The following ITGB5 variants were observed in gnomAD, a reference collection of about 807,000 sequenced individuals.
ITGB5 encodes the protein integrin beta-5.
ITGB5 carries 38 observed loss-of-function variants against 84.8 expected under a neutral mutation model. That is an observed-to-expected ratio of 0.45 (90% confidence interval 0.35 to 0.59). ITGB5 has a LOEUF of 0.59. Among genes scored for constraint, ITGB5 ranks in the 20% least tolerant of loss-of-function variants. The pLI is 0.01. For missense variants in ITGB5, 905 were observed against 1,034.5 expected, an observed-to-expected ratio of 0.87 and a Z score of 1.72; for synonymous variants, 393 against 414.4, an observed-to-expected ratio of 0.95 and a Z score of 0.63.
In ITGB5 at chr3:124,851,515, G is replaced by A. The variant is rs1038562081; in HGVS notation, c.362-2957C>T. ...ATGAGGGCTGAGGGAAAGAAGGCAT[G>A]ATATATAGGTCCCTTTGTATCCTAA... On this transcript the variant is annotated intron_variant, in intron 3 of 14. Transcript: ENST00000296181. Among the ~76,000 whole-genome samples, 3 of 152,062 alleles carry A rather than the reference G, an allele frequency of 2.0e-5. No individual in the cohort carries two copies. In the East Asian group the frequency reaches 5.8e-4, roughly 29 times the overall value.
intron 9 of ITGB5, among the ~76,000 whole-genome samples, chr3:124,798,054 G>GTTTTTTTTTTTTTTTT (rs1559938870): frequency 7.1e-5 from 6 of 85,048 alleles, no homozygotes; most frequent in East Asian, 3.5e-4. Context: ...CTAGAATAAA[G>GTTTTTTTTTTTTTTTT]CTTTTTTTTT....
At chr3:124,817,767 A>G in intron 7 of ITGB5, 57 bp from the exon 8 acceptor site, 1 of 976,180 alleles carries the variant, frequency 1.0e-6, no homozygotes, top group Non-Finnish European at 1.6e-6. Context: ...CAACCATCAG[A>G]GTGAGCATTG....
intron 8 of ITGB5, among the ~76,000 whole-genome samples, chr3:124,814,030 C>T (rs909157232): frequency 1.3e-5 from 2 of 152,058 alleles, no homozygotes; most frequent in Non-Finnish European, 2.9e-5. Context: ...AACTCTGTGT[C>T]GGGAACCAGC....
intron 10 of ITGB5, among the ~76,000 whole-genome samples, chr3:124,779,571 T>C (rs2063973188): frequency 6.6e-6 from 1 of 152,150 alleles, no homozygotes; most frequent in East Asian, 1.9e-4. Flanking sequence ...AAGAACCACC[T>C]GGAAAAGGGG....
chr3:124,866,106 A>C (rs1193385590), intron 2 of ITGB5, among the ~76,000 whole-genome samples: 1 of 151,134 alleles, frequency 6.6e-6, no homozygotes, highest in Non-Finnish European at 1.5e-5. Context: ...AGTGATTCTC[A>C]TGCCTCAGCC....
At chr3:124,862,097 C>T (rs1197984659) in intron 2 of ITGB5, 5 of 152,308 alleles carry the variant, frequency 3.3e-5, no homozygotes, top group African/African-American at 7.2e-5. Flanking sequence ...CCAGTGCTTA[C>T]TCTGCTAGAG....
At chr3:124,830,844 C>T (rs1368821279) in intron 5 of ITGB5, among the ~76,000 whole-genome samples, 2 of 152,076 alleles carry the variant, frequency 1.3e-5, no homozygotes, top group African/African-American at 4.8e-5. Flanking sequence ...GTTAGCCAGG[C>T]GTGGTGGCAC....
intron 10 of ITGB5, among the ~76,000 whole-genome samples, chr3:124,776,426 C>A (rs1329977400): frequency 6.6e-6 from 1 of 152,026 alleles, no homozygotes; most frequent in Non-Finnish European, 1.5e-5. Flanking sequence ...TATTCCCCAC[C>A]CCCCCAACAT....
intron 3 of ITGB5, among the ~76,000 whole-genome samples, chr3:124,855,116 C>A (rs1387648894): frequency 6.6e-6 from 1 of 152,078 alleles, no homozygotes; most frequent in African/African-American, 2.4e-5. Context: ...AGTTCGAGAC[C>A]AGCTTGGCCA....
At chr3:124,872,156 TG>T (rs1265735799) in intron 2 of ITGB5, among the ~76,000 whole-genome samples, 2 of 152,222 alleles carry the variant, frequency 1.3e-5, no homozygotes, top group Admixed American at 1.3e-4. Context: ...GTTTATATGT[TG>T]GGAAGATTCC....
At chr3:124,798,459 A>G (rs1166544314) in intron 9 of ITGB5, among the ~76,000 whole-genome samples, 1 of 148,092 alleles carries the variant, frequency 6.8e-6, no homozygotes, top group African/African-American at 2.5e-5. Flanking sequence ...TCTCTCTGTC[A>G]CCCAGGCTGG....
At chr3:124,851,718 T>C (rs184724062) in intron 3 of ITGB5, among the ~76,000 whole-genome samples, 91 of 151,844 alleles carry the variant, frequency 6.0e-4, no homozygotes, top group African/African-American at 2.2e-3. Flanking sequence ...AAGAGAGGGA[T>C]GTAAGAAAGA....
At chr3:124,893,733 G>A (rs1246185304) in intron 1 of ITGB5, among the ~76,000 whole-genome samples, 2 of 152,134 alleles carry the variant, frequency 1.3e-5, no homozygotes, top group African/African-American at 4.8e-5. Flanking sequence ...TTGTTTGATG[G>A]CTTATTTTTA....
At chr3:124,853,536 C>T (rs1164112606) in intron 3 of ITGB5, among the ~76,000 whole-genome samples, 3 of 152,170 alleles carry the variant, frequency 2.0e-5, no homozygotes, top group African/African-American at 7.2e-5. Flanking sequence ...TTAAAATAAC[C>T]CCTTATCCAG....
At chr3:124,900,416 G>A (rs1296324457) in intron 1 of ITGB5, among the ~76,000 whole-genome samples, 2 of 152,208 alleles carry the variant, frequency 1.3e-5, no homozygotes, top group Non-Finnish European at 2.9e-5. Flanking sequence ...TATTATTGTT[G>A]TTGTTGATTT....
intron 10 of ITGB5, among the ~76,000 whole-genome samples, chr3:124,795,825 G>A (rs893507336): frequency 1.2e-4 from 19 of 152,322 alleles, no homozygotes; most frequent in Middle Eastern, 6.8e-3. Context: ...GGAAAAGGCC[G>A]GGACACAGAT....
Position 124,866,435 on chromosome 3 carries a change from T to C in ITGB5, c.157-6989A>G, listed in dbSNP as rs116775957. Among the ~76,000 whole-genome samples, 530 of 152,328 alleles carry C rather than the reference T, an allele frequency of 3.5e-3. 6 individuals carry two copies. The highest frequency in any genetic ancestry group is 0.011 in the African/African-American group (464 of 41,580). Reference sequence around the variant, plus strand: ...TATTTGAGTGCCATCCTGCCTACCATTGCTGAAGGCTAAAACTCTAAAAAG... The same window carrying C: ...TATTTGAGTGCCATCCTGCCTACCACTGCTGAAGGCTAAAACTCTAAAAAG... On this transcript the variant is annotated intron_variant, in intron 2 of 14. Coordinates refer to ENST00000296181, the MANE Select transcript of ITGB5 (RefSeq NM_002213.5).
chr3:124,784,498 AAACAAC>A (rs1230713989), intron 10 of ITGB5, among the ~76,000 whole-genome samples: 1 of 152,186 alleles, frequency 6.6e-6, no homozygotes, highest in Non-Finnish European at 1.5e-5. Context: ...ACCCTATCTC[AAACAAC>A]AACAACAACA....
At chr3:124,843,860 T>C (rs1371541146) in intron 4 of ITGB5, among the ~76,000 whole-genome samples, 5 of 152,066 alleles carry the variant, frequency 3.3e-5, no homozygotes, top group Admixed American at 2.0e-4. Context: ...ACAAGGGAGA[T>C]AAAAAATAAA....
Sources: allele counts gnomAD v4.1 joint callset (sites outside exome capture counted in the v4.1 genomes callset), GRCh38; gene constraint gnomAD v4.1.1; transcripts MANE v1.5; gene names NCBI Gene and HGNC (gene_info 2026-07-23, HGNC 2026-07-21).